CNBD1: variants seen among roughly 807,000 people sequenced by gnomAD.
CNBD1 encodes cyclic nucleotide-binding domain-containing protein 1.
Under a neutral mutation model 54.4 loss-of-function variants are expected in CNBD1, and 71 were observed. The observed-to-expected ratio is 1.30, with a 90% CI of 1.08 to 1.59. CNBD1 has a LOEUF of 1.59. Among genes scored for constraint, CNBD1 ranks in the 40% most tolerant of loss-of-function variants. The pLI is 0.00. For missense variants in CNBD1, 659 were observed against 518.0 expected (o/e 1.27, Z -2.64); for synonymous variants, 182 against 170.7 (o/e 1.07, Z -0.51).
chr8:86,928,706 C>T (rs1809407156), intron 3 of CNBD1, among the ~76,000 whole-genome samples: 1 of 152,180 alleles, frequency 6.6e-6, no homozygotes, highest in Admixed American at 6.5e-5. Flanking sequence ...CGGGATAGTG[C>T]CCTATTTTTT....
chr8:87,116,096 T>C (rs182587443), intron 4 of CNBD1, among the ~76,000 whole-genome samples: 7 of 152,252 alleles, frequency 4.6e-5, no homozygotes, highest in Admixed American at 4.6e-4. Context: ...TTTGATGACT[T>C]TGTTTTTTCT....
intron 4 of CNBD1, among the ~76,000 whole-genome samples, chr8:87,027,296 G>A (rs1010237007): frequency 2.0e-5 from 3 of 151,992 alleles, no homozygotes; most frequent in Admixed American, 2.0e-4. Context: ...ATTTTGAGAT[G>A]GAATCTTGCT....
intron 4 of CNBD1, among the ~76,000 whole-genome samples, chr8:86,969,069 G>A (rs766941067): frequency 1.7e-4 from 26 of 152,148 alleles, no homozygotes; most frequent in Non-Finnish European, 2.6e-4. Context: ...AGTTTTGTGT[G>A]ATCCAGTTCC....
At chr8:87,146,528 T>C (rs1812492167) in intron 4 of CNBD1, among the ~76,000 whole-genome samples, 1 of 152,172 alleles carries the variant, frequency 6.6e-6, no homozygotes, top group African/African-American at 2.4e-5. Flanking sequence ...ATCATCTTTA[T>C]GCTGGTAAAC....
intron 4 of CNBD1, among the ~76,000 whole-genome samples, chr8:87,050,994 C>T (rs1397012085): frequency 6.6e-6 from 1 of 152,158 alleles, no homozygotes; most frequent in Admixed American, 6.5e-5. Context: ...CTGAATTACC[C>T]ATACCTGTAA....
chr8:87,232,710 G>T (rs939288760), intron 5 of CNBD1, among the ~76,000 whole-genome samples: 2 of 152,050 alleles, frequency 1.3e-5, no homozygotes, highest in Non-Finnish European at 2.9e-5. Flanking sequence ...TAATTTCAGG[G>T]ACTTCTTTAC....
rs1011123451 is a variant in CNBD1, at chr8:87,350,256, A to G, written c.1043-1429A>G. Among the ~76,000 whole-genome samples, 11 of 152,166 alleles carry G rather than the reference A, an allele frequency of 7.2e-5. No individual in the cohort carries two copies. The South Asian group carries it at 1.7e-3, about 23-fold the overall frequency. On this transcript the variant is annotated intron_variant, in intron 8 of 10. Transcript: ENST00000518476. The stretch of plus-strand genomic sequence containing the variant: ...TAATTTTAATATCATTTTCTGCTGT[A>G]AAAAAAGACAACAGAAGAGTTACCA...
At chr8:87,301,691 T>C (rs1249739552) in intron 8 of CNBD1, among the ~76,000 whole-genome samples, 1 of 151,926 alleles carries the variant, frequency 6.6e-6, no homozygotes, top group Non-Finnish European at 1.5e-5. Context: ...AAAAAATCAA[T>C]GAATCCAGGA....
At chr8:86,936,523 G>T (rs1376909292) in intron 3 of CNBD1, among the ~76,000 whole-genome samples, 1 of 152,058 alleles carries the variant, frequency 6.6e-6, no homozygotes, top group Non-Finnish European at 1.5e-5. Context: ...GGTGGATCAC[G>T]AGGTCAGGAG....
At chr8:87,045,614 A>T (rs191170112) in intron 4 of CNBD1, among the ~76,000 whole-genome samples, 1,607 of 150,560 alleles carry the variant, frequency 0.011, 44 homozygotes, top group African/African-American at 0.037. Context: ...AGTCCCAGTT[A>T]CTCGGGAGGC....
intron 2 of CNBD1, among the ~76,000 whole-genome samples, chr8:86,890,314 G>T: frequency 6.6e-6 from 1 of 152,044 alleles, no homozygotes; most frequent in East Asian, 1.9e-4. Context: ...CATGTTTTCA[G>T]ATTCCACCTC....
chr8:87,251,695 A>G (rs1158949416), intron 6 of CNBD1, among the ~76,000 whole-genome samples: 2 of 151,972 alleles, frequency 1.3e-5, no homozygotes, highest in African/African-American at 4.8e-5. Context: ...TCAGAGTCAC[A>G]TGACCATAAA....
intron 10 of CNBD1, among the ~76,000 whole-genome samples, chr8:87,376,324 T>G (rs1486751215): frequency 6.6e-6 from 1 of 151,808 alleles, no homozygotes; most frequent in Non-Finnish European, 1.5e-5. Flanking sequence ...TATTCTCACA[T>G]GGCTGAGAAT....
intron 4 of CNBD1, among the ~76,000 whole-genome samples, chr8:87,202,719 CCT>C (rs1425696613): frequency 6.6e-6 from 1 of 152,100 alleles, no homozygotes; most frequent in African/African-American, 2.4e-5. Flanking sequence ...GTGGAAAATG[CCT>C]GAGTACTGAA....
chr8:87,107,457 C>A (rs1431151383), intron 4 of CNBD1, among the ~76,000 whole-genome samples: 3 of 152,194 alleles, frequency 2.0e-5, no homozygotes, highest in African/African-American at 7.2e-5. Flanking sequence ...AAGACGTCCT[C>A]AGAGAGCCTA....
At chr8:86,969,109 G>A (rs1808161116) in intron 4 of CNBD1, among the ~76,000 whole-genome samples, 1 of 152,098 alleles carries the variant, frequency 6.6e-6, no homozygotes, top group African/African-American at 2.4e-5. Flanking sequence ...GTTTAAGTGA[G>A]TTTGGGGTCC....
At chr8:87,278,504 T>C (rs552376964) in intron 6 of CNBD1, among the ~76,000 whole-genome samples, 3 of 151,758 alleles carry the variant, frequency 2.0e-5, no homozygotes, top group African/African-American at 7.2e-5. Context: ...CAATAACATA[T>C]ATTTTTAAAG....
At chr8:87,125,738 A>T (rs537670650) in intron 4 of CNBD1, among the ~76,000 whole-genome samples, 4 of 151,950 alleles carry the variant, frequency 2.6e-5, no homozygotes, top group African/African-American at 9.6e-5. Context: ...AAGTGTTGAG[A>T]TATATGATAA....
chr8:87,292,531 CCTT>C (rs1343127041), intron 8 of CNBD1, among the ~76,000 whole-genome samples: 7 of 152,238 alleles, frequency 4.6e-5, no homozygotes, highest in Middle Eastern at 3.4e-3. Flanking sequence ...TAATTTCCCT[CCTT>C]CTTATTAAGT....
Sources: allele counts gnomAD v4.1 joint callset (sites outside exome capture counted in the v4.1 genomes callset), GRCh38; gene constraint gnomAD v4.1.1; transcripts MANE v1.5; gene names NCBI Gene and HGNC (gene_info 2026-07-23, HGNC 2026-07-21).